The following FN3K variants were observed in gnomAD, a reference collection of about 807,000 sequenced individuals.
FN3K encodes the protein fructosamine-3-kinase.
FN3K carries 24 observed loss-of-function variants against 24.8 expected under a neutral mutation model. The ratio of observed to expected loss-of-function variants is 0.97; its 90% CI spans 0.70 to 1.36. The LOEUF is 1.36. FN3K is among the 40% of genes most tolerant of loss of function. The pLI is 0.00. For missense variants in FN3K, 449 were observed against 416.7 expected (o/e 1.08, Z -0.67); for synonymous variants, 192 against 175.2 (o/e 1.10, Z -0.76).
rs1457112374 is a variant in FN3K at position 82,750,935 on chromosome 17, T to C, written c.*180T>C. 4 of 285,900 alleles carry C rather than the reference T, an allele frequency of 1.4e-5. No individual in the cohort carries two copies. The African/African-American group carries it at 3.4e-4, about 24-fold the overall frequency. The allele number at this position is 285,900 out of a possible 1,614,324, so 17.7% of individuals were successfully genotyped here. A position where few individuals can be genotyped will look rare whatever the true frequency, so the allele number is the denominator to read the frequency against. On this transcript the variant is annotated 3_prime_UTR_variant, in exon 6 of 6. Coordinates refer to ENST00000300784, the MANE Select transcript of FN3K (RefSeq NM_022158.4). ...CCGTCCCCCCGTCCCCGTCCCTCCA[T>C]CCCTGTCCCCCGTCCCCCTGTCCCC...
chr17:82,736,762 C>T (rs1476032803), intron 1 of FN3K, among the ~76,000 whole-genome samples: 3 of 152,184 alleles, frequency 2.0e-5, no homozygotes, highest in African/African-American at 4.8e-5. Flanking sequence ...GGCGTGCGAT[C>T]GGATCCTCCG....
At position 82,748,426 on chromosome 17, in the gene FN3K, G is replaced by A. The variant is rs564832204; in HGVS notation, c.469-429G>A. On this transcript the variant is annotated intron_variant, in intron 4 of 5. Transcript: ENST00000300784. ...CCTCCCAAAGTGCTGGGAATTGCAG[G>A]CGTGAGCCACTGTGCCTGGCCTCCA... Among the ~76,000 whole-genome samples the A allele has an allele frequency of 1.4e-4, 21 of 152,130 alleles. No homozygotes were observed. The East Asian group carries it at 4.0e-3, about 29-fold the overall frequency.
intron 1 of FN3K, 116 bp downstream of exon 1, chr17:82,735,893 C>A: frequency 7.2e-7 from 1 of 1,397,404 alleles, no homozygotes; most frequent in Non-Finnish European, 9.7e-7. Context: ...TCAGCTTTGG[C>A]CCTTGGGAGG....
At chr17:82,749,168 C>A (rs1216119912) in intron 5 of FN3K, 191 bp downstream of exon 5, 4 of 830,452 alleles carry the variant, frequency 4.8e-6, no homozygotes, top group Non-Finnish European at 7.8e-6. Flanking sequence ...AGTGAAGACA[C>A]ACTTGGCTCC....
Position 82,750,422 on chromosome 17 carries a change from G to A in FN3K, c.597G>A (p.Lys199=). 1 of 1,614,154 alleles carries A rather than the reference G, an allele frequency of 6.2e-7. No individual in the cohort carries two copies. Among genetic ancestry groups the A allele is most frequent in the Non-Finnish European group, 8.5e-7 (1 of 1,179,990 alleles). ...ARELWSRLQV[K]IPDLFCGLEI... is the part of the protein sequence containing the mutation. ...TGCAGCCGTTGCTCTCGTAGGTGAAGATCCCGGATCTGTTTTGTGGCCTAG... is the reference window on the plus strand; with the variant it reads ...TGCAGCCGTTGCTCTCGTAGGTGAAAATCCCGGATCTGTTTTGTGGCCTAG... The change falls in exon 6 of 6, where the codon AAG becomes AAA. Residue 199 remains lysine (K), a synonymous_variant. Transcript: ENST00000300784.
chr17:82,737,955 C>G (rs961370291), intron 1 of FN3K: 8 of 161,556 alleles, frequency 5.0e-5, no homozygotes, highest in African/African-American at 1.9e-4. Context: ...CAGGAAGGCC[C>G]AGGTCCCACG....
At chr17:82,745,887 G>A (rs2264575) in intron 4 of FN3K, among the ~76,000 whole-genome samples, 99,314 of 151,646 alleles carry the variant, frequency 0.65, 32,599 homozygotes, top group South Asian at 0.72. Context: ...AGGTCAGGAG[G>A]TCGAGACCAT....
chr17:82,741,338 A>G lies in FN3K; in HGVS notation c.413A>G (p.Gln138Arg). ...VGRRGEGAEP[Q>R]YVDKFGFHTV... ...CGAAGAGGTGAGGGTGCTGAGCCTCAGTATGTGGACAAGTTCGGCTTCCAC... is the reference window on the plus strand; with the variant it reads ...CGAAGAGGTGAGGGTGCTGAGCCTCGGTATGTGGACAAGTTCGGCTTCCAC... The change falls in exon 4 of 6, where the codon CAG becomes CGG. Residue 138 changes from glutamine (Q) to arginine (R), a missense_variant. Physicochemically the swap from Gln to Arg is conservative, Grantham distance 43. Coordinates refer to ENST00000300784, the MANE Select transcript of FN3K (RefSeq NM_022158.4). The G allele has an allele frequency of 6.2e-7, 1 of 1,614,000 alleles. No homozygotes were observed. The highest frequency in any genetic ancestry group is 8.5e-7 in the Non-Finnish European group (1 of 1,179,926).
Position 82,750,902 on chromosome 17 carries a change from TCCTGTCCCCGTCCCCCCGTCCC to T in FN3K, c.*149_*170del. 1 of 331,148 alleles carries T rather than the reference TCCTGTCCCCGTCCCCCCGTCCC, an allele frequency of 3.0e-6. No individual in the cohort carries two copies. Among genetic ancestry groups the T allele is most frequent in the Middle Eastern group, 8.4e-4 (1 of 1,188 alleles). 20.5% of individuals were successfully genotyped at this position (331,148 alleles called of 1,614,324 possible). A position where few individuals can be genotyped will look rare whatever the true frequency, so the allele number is the denominator to read the frequency against. On this transcript the variant is annotated 3_prime_UTR_variant, in exon 6 of 6. Coordinates refer to ENST00000300784, the MANE Select transcript of FN3K (RefSeq NM_022158.4). The stretch of plus-strand genomic sequence containing the variant: ...TCTCCATCCCCCCGTCCCCCCATCC[TCCTGTCCCCGTCCCCCCGTCCC>T]CGTCCCTCCATCCCTGTCCCCCGTC...
In FN3K at chr17:82,750,605, C is replaced by T. The variant is rs2047008031; in HGVS notation, c.780C>T (p.Phe260=). ...LMFGGFPRSF[F]TAYHRKIPKA... ...TTGGGGGGTTCCCCAGATCCTTCTT[C>T]ACCGCCTACCACCGGAAGATCCCCA... is the stretch of plus-strand genomic sequence containing the variant. Residue 260 remains phenylalanine, a synonymous_variant, in exon 6 of 6, where the codon TTC becomes TTT. Coordinates refer to ENST00000300784, the MANE Select transcript of FN3K (RefSeq NM_022158.4). The T allele has an allele frequency of 6.2e-7, 1 of 1,614,002 alleles. No individual in the cohort carries two copies. Among genetic ancestry groups the T allele is most frequent in the Non-Finnish European group, 8.5e-7 (1 of 1,180,030 alleles).
At chr17:82,750,381 A>G in intron 5 of FN3K, 36 bp from the exon 6 acceptor site, 1 of 1,583,448 alleles carries the variant, frequency 6.3e-7, no homozygotes. Flanking sequence ...CGGGGCTCCC[A>G]GAGGCCAGCG....
At chr17:82,743,338 T>C (rs763872086) in intron 4 of FN3K, among the ~76,000 whole-genome samples, 2 of 152,182 alleles carry the variant, frequency 1.3e-5, no homozygotes, top group African/African-American at 4.8e-5. Context: ...TCAATGCCCC[T>C]CGGACTCCAG....
intron 4 of FN3K, among the ~76,000 whole-genome samples, chr17:82,747,728 A>G (rs2046976431): frequency 6.6e-6 from 1 of 152,202 alleles, no homozygotes; most frequent in South Asian, 2.1e-4. Context: ...GAATTTGATT[A>G]TACTTTGCAT....
At position 82,750,412 on chromosome 17, in the gene FN3K, C is replaced by G. The variant is rs200018029; in HGVS notation, c.592-5C>G. The G allele has an allele frequency of 1.9e-6, 3 of 1,613,672 alleles. No homozygotes were observed. The highest frequency in any genetic ancestry group is 2.5e-6 in the Non-Finnish European group (3 of 1,179,604). Reference sequence around the variant, plus strand: ...CAGCGATAACTGCAGCCGTTGCTCTCGTAGGTGAAGATCCCGGATCTGTTT... The same window carrying G: ...CAGCGATAACTGCAGCCGTTGCTCTGGTAGGTGAAGATCCCGGATCTGTTT... On this transcript the variant is annotated splice_polypyrimidine_tract_variant and splice_region_variant and intron_variant, in intron 5 of 5. Transcript: ENST00000300784.
At chr17:82,749,197 C>G in intron 5 of FN3K, 1 of 646,026 alleles carries the variant, frequency 1.5e-6, no homozygotes, top group South Asian at 1.7e-5. Flanking sequence ...CTCTCCACTG[C>G]TAGGTCACCA....
chr17:82,735,980 C>T (rs1016055794), intron 1 of FN3K: 3 of 647,752 alleles, frequency 4.6e-6, no homozygotes, highest in Admixed American at 3.0e-5. Context: ...TTCCTTTGGC[C>T]TCCATGCGCA....
In FN3K at chr17:82,738,937, T is replaced by G. The variant is rs1020461465; in HGVS notation, c.293+297T>G. On this transcript the variant is annotated intron_variant, in intron 2 of 5. Transcript: ENST00000300784. ...ATATATATATACACATATATATATATATATATATATTTTTTTTTTTTTTGA... is the reference window on the plus strand; with the variant it reads ...ATATATATATACACATATATATATAGATATATATATTTTTTTTTTTTTTGA... Among the ~76,000 whole-genome samples the G allele has an allele frequency of 3.0e-5, 3 of 100,990 alleles. 1 individual carries two copies. The allele number at this position is 100,990 out of a possible 152,430, so 66.3% of individuals were successfully genotyped here.
intron 4 of FN3K, chr17:82,742,787 T>C (rs1254144158): frequency 4.5e-6 from 2 of 446,990 alleles, no homozygotes; most frequent in Admixed American, 2.5e-5. Context: ...TAAGAGCTAG[T>C]TCAAAGTCAC....
At chr17:82,748,637 A>G (rs563075008) in intron 4 of FN3K, among the ~76,000 whole-genome samples, 53 of 151,992 alleles carry the variant, frequency 3.5e-4, no homozygotes, top group Non-Finnish European at 6.5e-4. Context: ...GCTTAGTCAT[A>G]TAGTTTTGAG....
Sources: gnomAD v4.1 joint callset for allele counts (sites outside exome capture counted in the v4.1 genomes callset) on GRCh38, gnomAD v4.1.1 for gene constraint, MANE v1.5 for transcripts, NCBI Gene and HGNC (gene_info 2026-07-23, HGNC 2026-07-21) for gene names.